Variants in CNIH3 observed in about 807,000 individuals in gnomAD.
CNIH3 encodes cornichon family AMPA receptor auxiliary protein 3, also known as protein cornichon homolog 3.
Under a neutral mutation model 24.1 loss-of-function variants are expected in CNIH3, and 14 were observed. The observed-to-expected ratio is 0.58, with a 90% CI of 0.38 to 0.91. CNIH3 has a LOEUF of 0.91. Ranked by LOEUF, CNIH3 falls within the 40% of genes least tolerant of loss-of-function variation. CNIH3 has a pLI of 0.00. For missense variants in CNIH3, 178 were observed against 196.8 expected (o/e 0.90, Z 0.57); for synonymous variants, 68 against 73.8 (o/e 0.92, Z 0.40).
intron 1 of CNIH3, among the ~76,000 whole-genome samples, chr1:224,460,186 C>G (rs998906378): frequency 2.0e-5 from 3 of 152,138 alleles, no homozygotes; most frequent in African/African-American, 7.2e-5. Flanking sequence ...TCTACCCCTC[C>G]TGGTTTATCT....
chr1:224,674,272 G>GTTTTTTTTTTTTTTTTT (rs71170028), intron 1 of CNIH3, among the ~76,000 whole-genome samples: 2 of 72,076 alleles, frequency 2.8e-5, no homozygotes, highest in Non-Finnish European at 5.3e-5. Flanking sequence ...TTCCAGGAAG[G>GTTTTTTTTTTTTTTTTT]TTTTTTTTTT....
intron 1 of CNIH3, among the ~76,000 whole-genome samples, chr1:224,665,756 G>T (rs933850512): frequency 6.6e-6 from 1 of 152,176 alleles, no homozygotes; most frequent in Admixed American, 6.5e-5. Flanking sequence ...TTTGCAAAGA[G>T]ATTTACAGTT....
Position 224,502,439 on chromosome 1 carries a change from C to T in CNIH3, n.204-13302C>T, listed in dbSNP as rs555784159. Among the ~76,000 whole-genome samples the T allele has an allele frequency of 4.6e-5, 7 of 152,310 alleles. No individual in the cohort carries two copies. The South Asian group carries it at 1.4e-3, about 32-fold the overall frequency. ...CAGCCATGGAGCAAGAGCCGAAAGC[C>T]TTTTATTTGGAGGCTGGCCTATTTC... On this transcript the variant is annotated intron_variant and non_coding_transcript_variant, in intron 1 of 5. Transcript: ENST00000471578.
At chr1:224,537,543 T>G (rs1679336364), downstream of CNIH3, 1 of 152,202 alleles carries the variant, frequency 6.6e-6, no homozygotes. Context: ...CTTACACATA[T>G]TGATTGATGT....
At chr1:224,694,509 C>T (rs780954027) in intron 3 of CNIH3, among the ~76,000 whole-genome samples, 3 of 152,150 alleles carry the variant, frequency 2.0e-5, no homozygotes, top group Non-Finnish European at 4.4e-5. Context: ...GTCACCTTGG[C>T]TAGGTCACGG....
At chr1:224,722,788 G>A (rs562125976) in intron 3 of CNIH3, among the ~76,000 whole-genome samples, 1 of 152,152 alleles carries the variant, frequency 6.6e-6, no homozygotes, top group Admixed American at 6.5e-5. Flanking sequence ...GGGAGGCAGG[G>A]TGGGAACAGC....
At chr1:224,481,830 C>A (rs1208766515) in intron 1 of CNIH3, among the ~76,000 whole-genome samples, 1 of 152,184 alleles carries the variant, frequency 6.6e-6, no homozygotes, top group African/African-American at 2.4e-5. Flanking sequence ...TTGTATACTC[C>A]CCTTAAGAGC....
chr1:224,630,845 A>G (rs1572621627), intron 1 of CNIH3, among the ~76,000 whole-genome samples: 2 of 152,060 alleles, frequency 1.3e-5, no homozygotes, highest in African/African-American at 2.4e-5. Flanking sequence ...CCCTTGGGGT[A>G]TGCTGTCTGG....
chr1:224,544,061 T>G (rs1420548260), intron 2 of CNIH3, among the ~76,000 whole-genome samples: 1 of 152,192 alleles, frequency 6.6e-6, no homozygotes, highest in Non-Finnish European at 1.5e-5. Context: ...TCTTTGGCTG[T>G]TAAGAGATAA....
downstream of CNIH3, among the ~76,000 whole-genome samples, chr1:224,540,641 C>A (rs1370780045): frequency 6.6e-6 from 1 of 152,128 alleles, no homozygotes; most frequent in Non-Finnish European, 1.5e-5. Context: ...TGCAGCCAAA[C>A]CCCTACCTCC....
intron 1 of CNIH3, among the ~76,000 whole-genome samples, chr1:224,445,842 T>C (rs1676018713): frequency 6.6e-6 from 1 of 152,204 alleles, no homozygotes; most frequent in South Asian, 2.1e-4. Context: ...CATAAATATA[T>C]TCTTCTGTGT....
In CNIH3 at chr1:224,470,529, A is replaced by G. The variant is rs187065981; in HGVS notation, n.203+35667A>G. 1.4e-3 allele frequency among the ~76,000 whole-genome samples: 206 copies of G among 152,010 alleles called. 1 individual carries two copies. Among genetic ancestry groups the G allele is most frequent in the Non-Finnish European group, 2.5e-3 (169 of 67,980 alleles). ...AGACAAGGGTCTCCTTGTCTGGCCC[A>G]GGCTGGTCTTCAGCTCCTGGCCTCA... On this transcript the variant is annotated intron_variant and non_coding_transcript_variant, in intron 1 of 5. Coordinates refer to the CNIH3 transcript ENST00000471578.
chr1:224,724,379 C>A (rs1688904842), intron 3 of CNIH3, among the ~76,000 whole-genome samples: 1 of 152,202 alleles, frequency 6.6e-6, no homozygotes, highest in South Asian at 2.1e-4. Context: ...AGACGACCTT[C>A]ATCCAGAGTG....
intron 3 of CNIH3, among the ~76,000 whole-genome samples, chr1:224,603,096 T>C (rs944776145): frequency 4.9e-4 from 74 of 151,914 alleles, no homozygotes; most frequent in Middle Eastern, 3.4e-3. Context: ...AGAGGGAGGG[T>C]GTAATCCCAT....
intron 3 of CNIH3, among the ~76,000 whole-genome samples, chr1:224,711,535 C>G (rs1225652761): frequency 6.6e-6 from 1 of 152,042 alleles, no homozygotes; most frequent in Non-Finnish European, 1.5e-5. Flanking sequence ...TGGCTCACAT[C>G]TGTAATCTCA....
chr1:224,551,516 A>T (rs969273943), intron 3 of CNIH3, among the ~76,000 whole-genome samples: 7 of 152,180 alleles, frequency 4.6e-5, no homozygotes, highest in African/African-American at 1.7e-4. Flanking sequence ...TATCAGAGGG[A>T]TGATATTTCA....
chr1:224,689,301 C>T (rs776388735), intron 3 of CNIH3, among the ~76,000 whole-genome samples: 10 of 152,196 alleles, frequency 6.6e-5, no homozygotes, highest in Non-Finnish European at 1.0e-4. Flanking sequence ...ACATCTGGCT[C>T]ATAAGTGTGC....
chr1:224,455,508 AG>A (rs1675611775), intron 1 of CNIH3, among the ~76,000 whole-genome samples: 2 of 152,174 alleles, frequency 1.3e-5, no homozygotes, highest in African/African-American at 2.4e-5. Flanking sequence ...CCAGGAATCT[AG>A]TAGACCCAGG....
At chr1:224,654,632 C>T (rs542724768) in intron 1 of CNIH3, among the ~76,000 whole-genome samples, 6 of 152,144 alleles carry the variant, frequency 3.9e-5, no homozygotes, top group Admixed American at 6.5e-5. Context: ...TACACAATAA[C>T]TCCATACAGC....
Sources: gnomAD v4.1 joint callset for allele counts (sites outside exome capture counted in the v4.1 genomes callset) on GRCh38, gnomAD v4.1.1 for gene constraint, MANE v1.5 for transcripts, NCBI Gene and HGNC (gene_info 2026-07-23, HGNC 2026-07-21) for gene names.